Variants in TACC2 observed in about 807,000 individuals in gnomAD.
The protein encoded by TACC2 is transforming acidic coiled-coil-containing protein 2.
A neutral mutation model predicts 227.3 loss-of-function variants in TACC2; 137 were observed. The ratio of observed to expected loss-of-function variants is 0.60; its 90% CI spans 0.52 to 0.69. The LOEUF is 0.69. TACC2 is among the 30% of genes least tolerant of loss of function. TACC2 has a pLI of 0.00. For missense variants in TACC2, 3,470 were observed against 3,694.4 expected (o/e 0.94, Z 1.57); for synonymous variants, 1,523 against 1,487.5 (o/e 1.02, Z -0.55).
chr10:122,070,398 C>T (rs1480532798), intron 3 of TACC2, among the ~76,000 whole-genome samples: 1 of 152,010 alleles, frequency 6.6e-6, no homozygotes, highest in Admixed American at 6.6e-5. Flanking sequence ...TGCTTGAGCT[C>T]AGGAGTTTGA....
chr10:122,058,192 A>G (rs2461234), intron 3 of TACC2, among the ~76,000 whole-genome samples: 120,732 of 152,076 alleles, frequency 0.79, 48,393 homozygotes, highest in East Asian at 0.95. Context: ...TAACATGTCC[A>G]TTTGCTTACT....
At chr10:122,016,661 C>T (rs1956684372) in intron 1 of TACC2, among the ~76,000 whole-genome samples, 1 of 152,118 alleles carries the variant, frequency 6.6e-6, no homozygotes, top group African/African-American at 2.4e-5. Flanking sequence ...TAAACTGCCC[C>T]ATTCTGAGCA....
chr10:122,194,044 A>G lies in TACC2; in HGVS notation c.5835-996A>G, dbSNP rs534228126. Among the ~76,000 whole-genome samples the G allele has an allele frequency of 2.6e-5, 4 of 152,282 alleles. No homozygotes were observed. The highest frequency in any genetic ancestry group is 4.4e-5 in the Non-Finnish European group (3 of 68,016). ...GTGATCCTCCTGCCTCACCCTCCCT[A>G]GTAGCTGAGACCATAGGCACATGCC... On this transcript the variant is annotated intron_variant, in intron 7 of 22. Transcript: ENST00000369005. The surrounding 1 kb of genome is among the most constrained non-coding windows in gnomAD (Gnocchi z 4.4).
At chr10:122,198,905 C>T (rs939144702) in intron 8 of TACC2, among the ~76,000 whole-genome samples, 6 of 152,204 alleles carry the variant, frequency 3.9e-5, no homozygotes, top group African/African-American at 1.4e-4. Flanking sequence ...AGGCCACGCC[C>T]CCGAGGCAAA....
intron 3 of TACC2, among the ~76,000 whole-genome samples, chr10:122,059,414 A>G (rs891209853): frequency 1.3e-5 from 2 of 152,006 alleles, no homozygotes; most frequent in Admixed American, 6.6e-5. Context: ...CTGTGTTTGT[A>G]ATAAGAATCC....
chr10:122,051,275 C>T (rs901084540), intron 3 of TACC2: 1 of 152,328 alleles, frequency 6.6e-6, no homozygotes, highest in Non-Finnish European at 1.5e-5. Context: ...TGGTCTCTAA[C>T]TCCTGACCTC....
In TACC2 at chr10:122,082,792, C is replaced by T. The variant is rs1307904014; in HGVS notation, c.292C>T (p.Pro98Ser). 1.9e-6 allele frequency: 3 copies of T among 1,613,704 alleles called. No homozygotes were observed. In the Admixed American group the frequency reaches 5.0e-5, roughly 27 times the overall value. Residue 98 changes from proline (P) to serine (S), a missense_variant, in exon 4 of 23, where the codon CCA becomes TCA. Coordinates refer to ENST00000369005, the MANE Select transcript of TACC2 (RefSeq NM_206862.4). ...RGPEGSLLPS[P>S]PPSQEREHPS... is the part of the protein sequence containing the mutation. ...GCCAGAAGGTTCTTTGCTGCCCAGC[C>T]CACCACCGTCCCAGGAGCGAGAGCA...
chr10:122,068,982 G>A (rs887497753), intron 3 of TACC2, among the ~76,000 whole-genome samples: 2 of 143,446 alleles, frequency 1.4e-5, no homozygotes, highest in Non-Finnish European at 3.1e-5. Context: ...ACAGGCGTGA[G>A]GCACCGCGCG....
chr10:122,017,461 T>A (rs1956802987), intron 1 of TACC2, among the ~76,000 whole-genome samples: 1 of 141,280 alleles, frequency 7.1e-6, no homozygotes, highest in Non-Finnish European at 1.6e-5. Context: ...GTTGAAGACT[T>A]GCCGCCATTC....
At chr10:122,098,450 C>T (rs940644007) in intron 5 of TACC2, among the ~76,000 whole-genome samples, 2 of 152,136 alleles carry the variant, frequency 1.3e-5, no homozygotes, top group African/African-American at 2.4e-5. Flanking sequence ...TCCTGAAAAA[C>T]GAGGTCAGAC....
intron 3 of TACC2, among the ~76,000 whole-genome samples, chr10:122,077,579 C>T (rs2078959062): frequency 6.6e-6 from 1 of 152,172 alleles, no homozygotes; most frequent in South Asian, 2.1e-4. Context: ...GGGGCCACAA[C>T]TGAGAGCAAA....
intron 3 of TACC2, among the ~76,000 whole-genome samples, chr10:122,058,745 A>C (rs2076463098): frequency 6.6e-6 from 1 of 151,848 alleles, no homozygotes; most frequent in Non-Finnish European, 1.5e-5. Context: ...TTCCTCCCCA[A>C]ATTTATGAAC....
At chr10:122,066,190 C>T (rs150888329) in intron 3 of TACC2, among the ~76,000 whole-genome samples, 16,354 of 151,788 alleles carry the variant, frequency 0.11, 1,069 homozygotes, top group Middle Eastern at 0.17. Context: ...TCACTGCAGC[C>T]TCCACCTCCC....
intron 7 of TACC2, among the ~76,000 whole-genome samples, chr10:122,172,195 C>G (rs770563517): frequency 6.6e-6 from 1 of 152,142 alleles, no homozygotes; most frequent in Non-Finnish European, 1.5e-5. Context: ...ACTCCTGGGG[C>G]CTTAATTTTA....
At chr10:122,058,012 G>C (rs545484340) in intron 3 of TACC2, among the ~76,000 whole-genome samples, 9 of 152,316 alleles carry the variant, frequency 5.9e-5, no homozygotes, top group African/African-American at 2.2e-4. Flanking sequence ...CTTCCCTTTT[G>C]TGGTTTCCAC....
At chr10:122,090,090 A>G (rs12258830) in intron 5 of TACC2, among the ~76,000 whole-genome samples, 17,617 of 151,800 alleles carry the variant, frequency 0.12, 1,286 homozygotes, top group East Asian at 0.31. Flanking sequence ...AGAGTCCTTA[A>G]ACATGTTAGC....
intron 5 of TACC2, among the ~76,000 whole-genome samples, chr10:122,118,033 A>G (rs1471849334): frequency 7.9e-6 from 1 of 127,342 alleles, no homozygotes; most frequent in East Asian, 2.3e-4. Context: ...TTTTTTTTTG[A>G]GATGGAGTCT....
chr10:122,005,139 T>C (rs963082345), intron 1 of TACC2, among the ~76,000 whole-genome samples: 3 of 150,368 alleles, frequency 2.0e-5, no homozygotes, highest in Non-Finnish European at 4.4e-5. Context: ...TGGAGTGCAA[T>C]GGTGCAATCC....
rs59587107 is a variant in TACC2, at chr10:122,111,792, T to C, written c.5574-20817T>C. Among the ~76,000 whole-genome samples, 1,348 of 152,270 alleles carry C rather than the reference T, an allele frequency of 8.9e-3. 32 individuals carry two copies. The highest frequency in any genetic ancestry group is 0.032 in the African/African-American group (1,314 of 41,544). ...TATAGGGCACAAGAACCTTGAAGACTGGGCATTTCCATTCTCTCTTCACCG... is the reference window on the plus strand; with the variant it reads ...TATAGGGCACAAGAACCTTGAAGACCGGGCATTTCCATTCTCTCTTCACCG... On this transcript the variant is annotated intron_variant, in intron 5 of 22. Coordinates refer to ENST00000369005, the MANE Select transcript of TACC2 (RefSeq NM_206862.4).
Sources: allele counts gnomAD v4.1 joint callset (sites outside exome capture counted in the v4.1 genomes callset), GRCh38; gene constraint gnomAD v4.1.1; non-coding constraint Gnocchi (gnomAD v3.1); transcripts MANE v1.5; gene names NCBI Gene and HGNC (gene_info 2026-07-23, HGNC 2026-07-21).